The following TSPAN17 variants were observed in gnomAD, a reference collection of about 807,000 sequenced individuals.
The protein encoded by TSPAN17 is tetraspanin 17.
TSPAN17 carries 33 observed loss-of-function variants against 40.5 expected under a neutral mutation model. That is an observed-to-expected ratio of 0.81 (90% CI 0.62 to 1.09). The LOEUF (loss-of-function observed/expected upper bound fraction) is 1.09, where lower values mean the gene tolerates loss of function less well. TSPAN17 is among the 50% of genes least tolerant of loss of function. The probability of loss-of-function intolerance (pLI) is 0.00; values close to 1 mark genes in which losing one functional copy is unlikely to be tolerated. For missense variants in TSPAN17, 365 were observed against 416.8 expected (o/e 0.88, Z 1.08); for synonymous variants, 166 against 169.4 (o/e 0.98, Z 0.15).
At chr5:176,653,248 G>A (rs1389650022) in intron 4 of TSPAN17, 3 of 222,192 alleles carry the variant, frequency 1.4e-5, no homozygotes, top group South Asian at 1.7e-4. Context: ...TTGGGCCCAC[G>A]GTATTGGCTG....
chr5:176,649,221 G>A (rs922275367), intron 1 of TSPAN17, among the ~76,000 whole-genome samples: 1 of 152,044 alleles, frequency 6.6e-6, no homozygotes, highest in Admixed American at 6.6e-5. Context: ...TGGTGAGGTG[G>A]GAAAGGTGAG....
At chr5:176,657,185 G>A in intron 8 of TSPAN17, 1 of 616,620 alleles carries the variant, frequency 1.6e-6, no homozygotes, top group Non-Finnish European at 2.8e-6. Context: ...ACACATGCAG[G>A]CACACGTGTG....
chr5:176,651,791 G>A lies in TSPAN17; in HGVS notation c.176G>A (p.Gly59Glu). The change falls in exon 3 of 9, where the codon GGA becomes GAA. Residue 59 changes from glycine to glutamate, a missense_variant. By Grantham distance (98) the Gly-to-Glu change is moderately conservative. Transcript: ENST00000508164. This position sits in a 1 kb window ranked among gnomAD's most constrained non-coding sequence, Gnocchi z 4.5. Reference sequence around the variant, plus strand: ...AACATCTCAGCGCTGACAGATCTGGGAGGCCTTGACCCCGTGTGGCTGTTT... The same window carrying A: ...AACATCTCAGCGCTGACAGATCTGGAAGGCCTTGACCCCGTGTGGCTGTTT... ...LSNISALTDL[G>E]GLDPVWLFVV... The A allele has an allele frequency of 6.2e-7, 1 of 1,614,172 alleles. No homozygotes were observed. Among genetic ancestry groups the A allele is most frequent in the East Asian group, 2.2e-5 (1 of 44,870 alleles).
rs757761576 is a variant in TSPAN17, at chr5:176,654,969, C to A, written c.531C>A (p.Pro177=). Residue 177 remains proline (P), a synonymous_variant, in exon 5 of 9, where the codon CCC becomes CCA. Transcript: ENST00000508164. The surrounding 1 kb of genome is among the most constrained non-coding windows in gnomAD (Gnocchi z 4.3). ...ACTTCAACTGCACTGACTTGAACCCCAGCCGGGAGCGCTGCGGGGTGCCCT... is the reference window on the plus strand; with the variant it reads ...ACTTCAACTGCACTGACTTGAACCCAAGCCGGGAGCGCTGCGGGGTGCCCT... ...NIYFNCTDLN[P]SRERCGVPFS... is the part of the protein sequence containing the mutation. 5.0e-6 allele frequency: 8 copies of A among 1,612,804 alleles called. No homozygotes were observed. In the South Asian group the frequency reaches 6.6e-5, roughly 13 times the overall value.
chr5:176,648,457 A>T (rs1315742193), intron 1 of TSPAN17, among the ~76,000 whole-genome samples: 1 of 152,110 alleles, frequency 6.6e-6, no homozygotes, highest in African/African-American at 2.4e-5. Flanking sequence ...CTGCCAGGTC[A>T]TTTTTCCCAT....
chr5:176,651,333 G>A lies in TSPAN17; in HGVS notation c.88-283G>A, dbSNP rs1760956369. Among the ~76,000 whole-genome samples the A allele has an allele frequency of 6.6e-6, 1 of 152,178 alleles. No homozygotes were observed. Among genetic ancestry groups the A allele is most frequent in the Admixed American group, 6.5e-5 (1 of 15,274 alleles). On this transcript the variant is annotated intron_variant, in intron 1 of 8. Coordinates refer to ENST00000508164, the MANE Select transcript of TSPAN17 (RefSeq NM_130465.5). The surrounding 1 kb of genome is among the most constrained non-coding windows in gnomAD (Gnocchi z 4.5). ...CTGACACAGCTGCTATTGCTCCTTG[G>A]CAGGAGTGTCTTGGCCACCGTCTGC...
chr5:176,651,534 G>A lies in TSPAN17; in HGVS notation c.88-82G>A, dbSNP rs374629362. ...TGCCTCTTCCTCTCTCCGCTGGAAA[G>A]GCCCTGGCTACCGGGGAAGGATGAG... On this transcript the variant is annotated intron_variant, in intron 1 of 8. Coordinates refer to ENST00000508164, the MANE Select transcript of TSPAN17 (RefSeq NM_130465.5). This position sits in a 1 kb window ranked among gnomAD's most constrained non-coding sequence, Gnocchi z 4.5. The A allele has an allele frequency of 1.1e-4, 159 of 1,460,544 alleles. No individual in the cohort carries two copies. In the African/African-American group the frequency reaches 2.0e-3, roughly 18 times the overall value. The allele number at this position is 1,460,544 out of a possible 1,614,324, so 90.5% of individuals were successfully genotyped here.
In TSPAN17 at chr5:176,651,899, TTG is replaced by T; in HGVS notation, c.285+2_285+3del. 1 of 1,613,856 alleles carries T rather than the reference TTG, an allele frequency of 6.2e-7. No homozygotes were observed. The highest frequency in any genetic ancestry group is 8.5e-7 in the Non-Finnish European group (1 of 1,179,996). On this transcript the variant is annotated splice_donor_variant and coding_sequence_variant, in exon 3 of 9. Transcript: ENST00000508164. LOFTEE classifies it high-confidence loss of function. The surrounding 1 kb of genome is among the most constrained non-coding windows in gnomAD (Gnocchi z 4.5). ...CGGGAGAACACCTTCCTGCTCAAGT[TTG>T]TGAGTGCTGCCCTCAAGATCCCCTG... is the stretch of plus-strand genomic sequence containing the variant.
chr5:176,649,432 C>CTTTTTTCTT (rs1554152271), intron 1 of TSPAN17, among the ~76,000 whole-genome samples: 210 of 143,950 alleles, frequency 1.5e-3, no homozygotes, highest in African/African-American at 5.2e-3. Context: ...TTTCTTTTTT[C>CTTTTTTCTT]TTTTTTTTTT....
At chr5:176,655,966 C>T in intron 5 of TSPAN17, 112 bp from the exon 6 acceptor site, 12 of 933,316 alleles carry the variant, frequency 1.3e-5, no homozygotes, top group South Asian at 1.2e-4. Flanking sequence ...ACGGCAGAAT[C>T]CACGGGCCCA....
intron 6 of TSPAN17, 151 bp downstream of exon 6, chr5:176,656,276 G>A: frequency 1.2e-6 from 1 of 822,224 alleles, no homozygotes; most frequent in Non-Finnish European, 2.0e-6. Context: ...GGCAGCGGAG[G>A]GGGAGTAGAC....
In TSPAN17 at chr5:176,650,880, G is replaced by T. The variant is rs533039357; in HGVS notation, c.88-736G>T. Among the ~76,000 whole-genome samples, 9 of 152,258 alleles carry T rather than the reference G, an allele frequency of 5.9e-5. No homozygotes were observed. The South Asian group carries it at 1.7e-3, about 28-fold the overall frequency. ...GAGAGTGACCAGCCTGGACATCCAG[G>T]GCTCTTCCCAGTAGGGAATTGAGGC... On this transcript the variant is annotated intron_variant, in intron 1 of 8. Coordinates refer to ENST00000508164, the MANE Select transcript of TSPAN17 (RefSeq NM_130465.5). The surrounding 1 kb of genome is among the most constrained non-coding windows in gnomAD (Gnocchi z 4.0).
chr5:176,655,818 T>C (rs1426446219), intron 5 of TSPAN17, among the ~76,000 whole-genome samples: 1 of 151,412 alleles, frequency 6.6e-6, no homozygotes, highest in African/African-American at 2.4e-5. Context: ...GGAGGATCAC[T>C]TGAGGCCAGG....
At position 176,650,577 on chromosome 5, in the gene TSPAN17, G is replaced by A. The variant is rs1258935927; in HGVS notation, c.88-1039G>A. On this transcript the variant is annotated intron_variant, in intron 1 of 8. Transcript: ENST00000508164. The surrounding 1 kb of genome is among the most constrained non-coding windows in gnomAD (Gnocchi z 4.0). ...AGGGCAGGCCAAGTGGGAGGAGGCA[G>A]GAGAAGTGATGTTTGGTTTCACATC... Among the ~76,000 whole-genome samples the A allele has an allele frequency of 6.6e-6, 1 of 152,164 alleles. No homozygotes were observed. The highest frequency in any genetic ancestry group is 6.5e-5 in the Admixed American group (1 of 15,290).
chr5:176,657,471 A>C, intron 8 of TSPAN17, 47 bp from the exon 9 acceptor site: 1 of 1,551,392 alleles, frequency 6.4e-7, no homozygotes, highest in Non-Finnish European at 8.7e-7. Context: ...AGTGTCCCAG[A>C]CTCTGAAATG....
intron 8 of TSPAN17, chr5:176,657,199 A>G: frequency 1.6e-6 from 1 of 617,932 alleles, no homozygotes; most frequent in Non-Finnish European, 2.8e-6. Context: ...ACGTGTGCAC[A>G]GGGAGCCACC....
chr5:176,655,791 C>T (rs899478629), intron 5 of TSPAN17, among the ~76,000 whole-genome samples: 1 of 150,932 alleles, frequency 6.6e-6, no homozygotes, highest in Non-Finnish European at 1.5e-5. Flanking sequence ...GTCCTAGCTA[C>T]TTGCGAGGCT....
In TSPAN17 at chr5:176,647,512, C is replaced by T. The variant is rs540429770; in HGVS notation, c.-104C>T. 3.5e-6 allele frequency: 3 copies of T among 845,410 alleles called. No homozygotes were observed. Among genetic ancestry groups the T allele is most frequent in the East Asian group, 3.5e-5 (1 of 28,582 alleles). The allele number at this position is 845,410 out of a possible 1,614,324, so 52.4% of individuals were successfully genotyped here. ...CTGTGTGGCCGAGGCCATGAAGCCGCAGCCGCCCGGCTAGGCCCCGGGCGG... is the reference window on the plus strand; with the variant it reads ...CTGTGTGGCCGAGGCCATGAAGCCGTAGCCGCCCGGCTAGGCCCCGGGCGG... On this transcript the variant is annotated 5_prime_UTR_variant, in exon 1 of 9. An upstream open reading frame in the 5' UTR gains an earlier in-frame stop. Coordinates refer to ENST00000508164, the MANE Select transcript of TSPAN17 (RefSeq NM_130465.5).
rs1761210734 is a variant in TSPAN17, at chr5:176,657,631, C to T, written c.923C>T (p.Pro308Leu). Residue 308 changes from proline to leucine, a missense_variant, in exon 9 of 9, where the codon CCA (proline) becomes CTA (leucine). By Grantham distance (98) the Pro-to-Leu change is moderately conservative. Transcript: ENST00000508164. ...NSLTGAPGPA[P>L]PSRHVFFGLG... is the part of the protein sequence containing the mutation. The stretch of plus-strand genomic sequence containing the variant: ...CTGACTGGGGCCCCTGGCCCGGCCC[C>T]ACCCAGCCGACATGTTTTCTTTGGC... The T allele has an allele frequency of 6.2e-7, 1 of 1,612,742 alleles. No individual in the cohort carries two copies. The highest frequency in any genetic ancestry group is 8.5e-7 in the Non-Finnish European group (1 of 1,179,734).
Sources: allele counts gnomAD v4.1 joint callset (sites outside exome capture counted in the v4.1 genomes callset), GRCh38; gene constraint gnomAD v4.1.1; non-coding constraint Gnocchi (gnomAD v3.1); transcripts MANE v1.5; gene names NCBI Gene and HGNC (gene_info 2026-07-23, HGNC 2026-07-21).